DCD: variants seen among roughly 807,000 people sequenced by gnomAD.
DCD encodes diffusible survival/evasion peptide.
A neutral mutation model predicts 14.5 loss-of-function variants in DCD; 17 were observed. The ratio of observed to expected loss-of-function variants is 1.18; its 90% CI spans 0.81 to 1.76. The LOEUF is 1.76. Ranked by LOEUF, DCD falls within the 40% of genes most tolerant of loss-of-function variation. The pLI, the probability that DCD is intolerant of heterozygous loss-of-function variation, is 0.00. For missense variants in DCD, 139 were observed against 133.4 expected, an observed-to-expected ratio of 1.04 and a Z score of -0.21; for synonymous variants, 64 against 54.0, an observed-to-expected ratio of 1.19 and a Z score of -0.82.
chr12:54,645,345 C>A, intron 3 of DCD, 83 bp from the exon 4 acceptor site: 11 of 1,334,326 alleles, frequency 8.2e-6, no homozygotes, highest in South Asian at 1.2e-5. Flanking sequence ...TTCCTAGGCA[C>A]CATGGGCACC....
At chr12:54,646,102 G>A (rs1411933717) in intron 2 of DCD, 1 of 457,256 alleles carries the variant, frequency 2.2e-6, no homozygotes, top group Admixed American at 2.3e-5. Context: ...CAGAAATTTG[G>A]CAGTCTCTGA....
chr12:54,644,623 AATT>A lies in DCD; in HGVS notation c.*87_*89del. On this transcript the variant is annotated 3_prime_UTR_variant, in exon 5 of 5. Coordinates refer to ENST00000293371, the MANE Select transcript of DCD (RefSeq NM_053283.4). ...TGCTTTCAGTTTAATAGCTGTTTTA[AATT>A]TTTTTTTTTTTTTTTTTTTTTAGGT... 2.3e-5 allele frequency: 20 copies of A among 878,988 alleles called. No individual in the cohort carries two copies. Among genetic ancestry groups the A allele is most frequent in the Middle Eastern group, 3.2e-4 (1 of 3,146 alleles). 54.4% of individuals were successfully genotyped at this position (878,988 alleles called of 1,614,324 possible). A position where few individuals can be genotyped will look rare whatever the true frequency, so the allele number is the denominator to read the frequency against.
chr12:54,647,051 C>T lies in DCD; in HGVS notation c.97+70G>A, dbSNP rs1958266879. 5.4e-6 allele frequency: 8 copies of T among 1,487,560 alleles called. No individual in the cohort carries two copies. In the East Asian group the frequency reaches 1.5e-4, roughly 27 times the overall value. The allele number at this position is 1,487,560 out of a possible 1,614,324, so 92.1% of individuals were successfully genotyped here. On this transcript the variant is annotated intron_variant, in intron 2 of 4. Transcript: ENST00000293371. Reference sequence around the variant, plus strand: ...GACCCCCCTTCTGCTTCTCTGACTTCCTCCACTCATATCCCAAGTCATTAA... The same window carrying T: ...GACCCCCCTTCTGCTTCTCTGACTTTCTCCACTCATATCCCAAGTCATTAA...
chr12:54,645,714 G>A lies in DCD; in HGVS notation c.98-7C>T, dbSNP rs756701787. The A allele has an allele frequency of 2.5e-6, 4 of 1,612,338 alleles. No individual in the cohort carries two copies. Among genetic ancestry groups the A allele is most frequent in the Non-Finnish European group, 3.4e-6 (4 of 1,178,430 alleles). ...GCTGATGCTTCATGGCAAGCTGCAAGGGTAAGGGAGTGAGAGGAATAATAG... is the reference window on the plus strand; with the variant it reads ...GCTGATGCTTCATGGCAAGCTGCAAAGGTAAGGGAGTGAGAGGAATAATAG... On this transcript the variant is annotated splice_region_variant and splice_polypyrimidine_tract_variant and intron_variant, in intron 2 of 4. Transcript: ENST00000293371.
intron 1 of DCD, among the ~76,000 whole-genome samples, chr12:54,647,953 A>C (rs1433917396): frequency 6.6e-6 from 1 of 152,218 alleles, no homozygotes; most frequent in Non-Finnish European, 1.5e-5. Context: ...AAGTCTTGGC[A>C]GTGGGAAATG....
intron 2 of DCD, chr12:54,646,191 G>A (rs778946497): frequency 8.8e-6 from 4 of 454,774 alleles, no homozygotes; most frequent in African/African-American, 4.0e-5. Context: ...GGTGTGAAAC[G>A]CTCCAGGGGC....
intron 2 of DCD, 106 bp downstream of exon 2, chr12:54,647,015 C>T: frequency 8.1e-7 from 1 of 1,231,754 alleles, no homozygotes; most frequent in Non-Finnish European, 1.1e-6. Context: ...CCTCCCAACT[C>T]TCCTTCCCCG....
chr12:54,646,142 T>C (rs1958259121), intron 2 of DCD: 1 of 456,316 alleles, frequency 2.2e-6, no homozygotes, highest in African/African-American at 2.0e-5. Context: ...AAACAATCCA[T>C]TTGTTTATCT....
At chr12:54,647,024 C>T (rs957266315) in intron 2 of DCD, 97 bp downstream of exon 2, 21 of 1,321,076 alleles carry the variant, frequency 1.6e-5, no homozygotes, top group East Asian at 1.3e-4. Context: ...TCTCCTTCCC[C>T]GGACCCCCCT....
intron 2 of DCD, chr12:54,645,958 T>C (rs1958257373): frequency 5.7e-6 from 3 of 525,962 alleles, no homozygotes; most frequent in Non-Finnish European, 1.1e-5. Flanking sequence ...CAGGGAAAAG[T>C]AAAGTCATTT....
intron 2 of DCD, 79 bp downstream of exon 2, chr12:54,647,042 C>T (rs1958266810): frequency 6.9e-7 from 1 of 1,453,612 alleles, no homozygotes; most frequent in Non-Finnish European, 9.3e-7. Context: ...CCTTCTGCTT[C>T]TCTGACTTCC....
intron 4 of DCD, 96 bp from the exon 5 acceptor site, chr12:54,644,852 G>C (rs1258109040): frequency 1.9e-6 from 3 of 1,551,654 alleles, no homozygotes; most frequent in South Asian, 2.4e-5. Flanking sequence ...GTAGGGGAAG[G>C]GGAAGGGGAA....
At chr12:54,646,632 C>T (rs1445675804) in intron 2 of DCD, among the ~76,000 whole-genome samples, 2 of 152,044 alleles carry the variant, frequency 1.3e-5, no homozygotes, top group African/African-American at 4.8e-5. Context: ...TCTGATGAAA[C>T]AAATGTATAA....
rs760117030 is a variant in DCD, at chr12:54,645,246, T to C, written c.216A>G (p.Gly72=). ...RSSLLEKGLD[G]AKKAVGGLGK... is the part of the protein sequence containing the mutation. Reference sequence around the variant, plus strand: ...CGAGTCCCCCCACAGCTTTTTTTGCTCCGTCTAGGCCTTTTTCTAGGGTGG... The same window carrying C: ...CGAGTCCCCCCACAGCTTTTTTTGCCCCGTCTAGGCCTTTTTCTAGGGTGG... Residue 72 remains glycine (G), a synonymous_variant, in exon 4 of 5, where the codon GGA becomes GGG. Coordinates refer to ENST00000293371, the MANE Select transcript of DCD (RefSeq NM_053283.4). 1 of 1,614,080 alleles carries C rather than the reference T, an allele frequency of 6.2e-7. No individual in the cohort carries two copies. The highest frequency in any genetic ancestry group is 8.5e-7 in the Non-Finnish European group (1 of 1,179,988).
Position 54,644,624 on chromosome 12 carries a change from ATTTTTTTTT to A in DCD, c.*80_*88del. The A allele has an allele frequency of 3.1e-6, 2 of 651,422 alleles. No individual in the cohort carries two copies. The highest frequency in any genetic ancestry group is 3.1e-5 in the Admixed American group (1 of 32,186). The allele number at this position is 651,422 out of a possible 1,614,324, so 40.4% of individuals were successfully genotyped here. ...GCTTTCAGTTTAATAGCTGTTTTAAATTTTTTTTTTTTTTTTTTTTTTTAGGTTTTAGGC... is the reference window on the plus strand; with the variant it reads ...GCTTTCAGTTTAATAGCTGTTTTAAATTTTTTTTTTTTTTAGGTTTTAGGC... On this transcript the variant is annotated 3_prime_UTR_variant, in exon 5 of 5. Transcript: ENST00000293371.
At chr12:54,647,033 C>A (rs1958266700) in intron 2 of DCD, 88 bp downstream of exon 2, 3 of 1,405,626 alleles carry the variant, frequency 2.1e-6, no homozygotes, top group Non-Finnish European at 2.9e-6. Flanking sequence ...CCGGACCCCC[C>A]TTCTGCTTCT....
At chr12:54,648,162 G>C in intron 1 of DCD, 84 bp downstream of exon 1, 1 of 1,486,784 alleles carries the variant, frequency 6.7e-7, no homozygotes, top group Non-Finnish European at 9.3e-7. Context: ...AACTGCCTCT[G>C]GCGAGGAGGG....
chr12:54,648,224 G>C, intron 1 of DCD, 22 bp downstream of exon 1: 1 of 1,613,072 alleles, frequency 6.2e-7, no homozygotes, highest in African/African-American at 1.3e-5. Context: ...ATGGTTGGGT[G>C]TCGGGGAAGA....
At chr12:54,645,375 G>T in intron 3 of DCD, 113 bp from the exon 4 acceptor site, 2 of 1,121,744 alleles carry the variant, frequency 1.8e-6, no homozygotes, top group South Asian at 1.3e-5. Context: ...AAGTGGTTTT[G>T]CTGAAGGAAC....
Sources: gnomAD v4.1 joint callset for allele counts (sites outside exome capture counted in the v4.1 genomes callset) on GRCh38, gnomAD v4.1.1 for gene constraint, MANE v1.5 for transcripts, NCBI Gene and HGNC (gene_info 2026-07-23, HGNC 2026-07-21) for gene names.